Variants in CCDC117 observed in about 807,000 individuals in gnomAD.
CCDC117 encodes the protein coiled-coil domain containing 117.
Under a neutral mutation model 23.5 loss-of-function variants are expected in CCDC117, and 1 was observed. That is an observed-to-expected ratio of 0.04 (90% CI 0.02 to 0.20). The LOEUF (loss-of-function observed/expected upper bound fraction) is 0.20, where lower values mean the gene tolerates loss of function less well. Ranked by LOEUF, CCDC117 falls within the 10% of genes least tolerant of loss-of-function variation. CCDC117 has a pLI of 1.00. For missense variants in CCDC117, 383 were observed against 348.2 expected (o/e 1.10, Z -0.80); for synonymous variants, 132 against 124.8 (o/e 1.06, Z -0.39).
rs1404977996 is a variant in CCDC117, at chr22:28,781,330, G to GTTTTTTTGTTT, written c.464+162_464+163insTTTGTTTTTTT. The stretch of plus-strand genomic sequence containing the variant: ...AAAGTGTATTCGTTTTTGTTTTTTT[G>GTTTTTTTGTTT]TTTTGTTTTTTTTTTTTTTTTTTTT... On this transcript the variant is annotated intron_variant, in intron 3 of 4. Transcript: ENST00000249064. Among the ~76,000 whole-genome samples the GTTTTTTTGTTT allele has an allele frequency of 1.9e-4, 7 of 37,664 alleles. 1 individual carries two copies. The highest frequency in any genetic ancestry group is 1.0e-3 in the African/African-American group (7 of 6,802). 24.7% of individuals were successfully genotyped at this position (37,664 alleles called of 152,430 possible).
intron 2 of CCDC117, among the ~76,000 whole-genome samples, chr22:28,777,146 C>A (rs562266599): frequency 2.0e-5 from 3 of 148,580 alleles, no homozygotes; most frequent in Non-Finnish European, 4.4e-5. Context: ...TCAAGTGATT[C>A]TCCTGCCTCA....
chr22:28,783,253 C>G (rs2031407460), intron 3 of CCDC117, among the ~76,000 whole-genome samples: 1 of 151,894 alleles, frequency 6.6e-6, no homozygotes, highest in African/African-American at 2.4e-5. Context: ...GTTGGCCAGG[C>G]TCTTCTCGAA....
chr22:28,781,258 T>A, intron 3 of CCDC117, 86 bp downstream of exon 3: 1 of 715,784 alleles, frequency 1.4e-6, no homozygotes. Flanking sequence ...TATCATTTGG[T>A]GATACCTTGA....
chr22:28,786,111 G>A lies in CCDC117; in HGVS notation c.625G>A (p.Val209Ile), dbSNP rs774735302. 3 of 1,612,834 alleles carry A rather than the reference G, an allele frequency of 1.9e-6. No individual in the cohort carries two copies. Among genetic ancestry groups the A allele is most frequent in the East Asian group, 4.5e-5 (2 of 44,900 alleles). Residue 209 changes from valine (V) to isoleucine (I), a missense_variant, in exon 5 of 5, where the codon GTT becomes ATT. Coordinates refer to ENST00000249064, the MANE Select transcript of CCDC117 (RefSeq NM_173510.4). ...ESMSRPSMEL[V>I]LWKPLPELLS... ...TAGGAGCCGTCCTTCCATGGAGCTTGTTCTCTGGAAACCCCTCCCTGAACT... is the reference window on the plus strand; with the variant it reads ...TAGGAGCCGTCCTTCCATGGAGCTTATTCTCTGGAAACCCCTCCCTGAACT...
intron 3 of CCDC117, among the ~76,000 whole-genome samples, chr22:28,781,689 G>A (rs2031341376): frequency 6.6e-6 from 1 of 151,480 alleles, no homozygotes; most frequent in Non-Finnish European, 1.5e-5. Flanking sequence ...CGTTACCTAG[G>A]CTGGAGTGCA....
At chr22:28,783,387 C>T in intron 3 of CCDC117, 121 bp from the exon 4 acceptor site, 1 of 905,258 alleles carries the variant, frequency 1.1e-6, no homozygotes, top group Non-Finnish European at 1.6e-6. Flanking sequence ...TTTGCTTGTT[C>T]TATTGCTGTA....
intron 4 of CCDC117, among the ~76,000 whole-genome samples, chr22:28,784,815 GGCTGGA>G (rs2031460560): frequency 6.6e-6 from 1 of 152,122 alleles, no homozygotes; most frequent in Non-Finnish European, 1.5e-5. Context: ...CTGTTGCCCA[GGCTGGA>G]GTGCAGTGGC....
chr22:28,775,132 G>A (rs116437268), intron 2 of CCDC117, among the ~76,000 whole-genome samples: 1,925 of 152,190 alleles, frequency 0.013, 46 homozygotes, highest in African/African-American at 0.044. Flanking sequence ...GTAGTGGTGC[G>A]TAACTGTAAT....
At chr22:28,781,358 T>TTTTTG (rs2031327006) in intron 3 of CCDC117, among the ~76,000 whole-genome samples, 186 bp downstream of exon 3, 1 of 20,142 alleles carries the variant, frequency 5.0e-5, no homozygotes, top group African/African-American at 4.2e-4. Context: ...TTTTTTTTTT[T>TTTTTG]TTTTTTTTTT....
chr22:28,779,263 G>T (rs368677460), intron 2 of CCDC117, among the ~76,000 whole-genome samples: 44 of 152,068 alleles, frequency 2.9e-4, no homozygotes, highest in African/African-American at 8.4e-4. Context: ...GTGCAGTGAC[G>T]CAATCTTGGC....
At chr22:28,775,339 C>G (rs1044029262) in intron 2 of CCDC117, among the ~76,000 whole-genome samples, 2 of 152,112 alleles carry the variant, frequency 1.3e-5, no homozygotes, top group Non-Finnish European at 1.5e-5. Flanking sequence ...CCTATTGATG[C>G]ATTTCTAAAT....
rs1330411206 is a variant in CCDC117, at chr22:28,786,123, C to G, written c.637C>G (p.Pro213Ala). Residue 213 changes from proline to alanine, a missense_variant, in exon 5 of 5, where the codon CCC becomes GCC. Pro to Ala is a conservative substitution (Grantham distance 27). Transcript: ENST00000249064. ...RPSMELVLWK[P>A]LPELLSDKPK... Reference sequence around the variant, plus strand: ...TTCCATGGAGCTTGTTCTCTGGAAACCCCTCCCTGAACTCCTTTCTGATAA... The same window carrying G: ...TTCCATGGAGCTTGTTCTCTGGAAAGCCCTCCCTGAACTCCTTTCTGATAA... 1.2e-6 allele frequency: 2 copies of G among 1,613,730 alleles called. No individual in the cohort carries two copies. The highest frequency in any genetic ancestry group is 8.5e-7 in the Non-Finnish European group (1 of 1,179,918).
chr22:28,780,326 C>T (rs953993325), intron 2 of CCDC117, among the ~76,000 whole-genome samples: 2 of 152,134 alleles, frequency 1.3e-5, no homozygotes, highest in African/African-American at 2.4e-5. Context: ...GTCACCCACA[C>T]CTGTAATATT....
At position 28,784,309 on chromosome 22, in the gene CCDC117, A is replaced by T. The variant is rs545335082; in HGVS notation, c.602+664A>T. Among the ~76,000 whole-genome samples the T allele has an allele frequency of 2.6e-5, 4 of 152,376 alleles. No individual in the cohort carries two copies. The South Asian group carries it at 8.3e-4, about 32-fold the overall frequency. ...GCAAACACAATAACCTAAAAAGTAA[A>T]GTGGCCTGGGGCCCCTGAGTAATGA... On this transcript the variant is annotated intron_variant, in intron 4 of 4. Coordinates refer to ENST00000249064, the MANE Select transcript of CCDC117 (RefSeq NM_173510.4).
Position 28,772,914 on chromosome 22 carries a change from C to G in CCDC117, c.65C>G (p.Pro22Arg). Residue 22 changes from proline (P) to arginine (R), a missense_variant, in exon 1 of 5, where the codon CCG becomes CGG. Physicochemically the swap from Pro to Arg is moderately radical, Grantham distance 103. Coordinates refer to ENST00000249064, the MANE Select transcript of CCDC117 (RefSeq NM_173510.4). Reference sequence around the variant, plus strand: ...AGCGGCGGCTCGGACTTCCTGCAGCCGCCGCAGCCGGCCTTCCCCGGCCGG... The same window carrying G: ...AGCGGCGGCTCGGACTTCCTGCAGCGGCCGCAGCCGGCCTTCCCCGGCCGG... ...PLSGGSDFLQPPQPAFPGRAF... is the reference protein window; with the variant it reads ...PLSGGSDFLQRPQPAFPGRAF... 1 of 1,228,552 alleles carries G rather than the reference C, an allele frequency of 8.1e-7. No individual in the cohort carries two copies. Among genetic ancestry groups the G allele is most frequent in the African/African-American group, 1.6e-5 (1 of 63,986 alleles). The allele number at this position is 1,228,552 out of a possible 1,614,324, so 76.1% of individuals were successfully genotyped here. A position where few individuals can be genotyped will look rare whatever the true frequency, so the allele number is the denominator to read the frequency against.
chr22:28,781,949 CT>C (rs754411163), intron 3 of CCDC117, among the ~76,000 whole-genome samples: 1,733 of 141,630 alleles, frequency 0.012, 39 homozygotes, highest in African/African-American at 0.04. Flanking sequence ...AGCCCCCCCC[CT>C]TTTTTTTTTT....
At chr22:28,774,590 G>T (rs1485092305) in intron 2 of CCDC117, among the ~76,000 whole-genome samples, 1 of 151,798 alleles carries the variant, frequency 6.6e-6, no homozygotes, top group African/African-American at 2.4e-5. Flanking sequence ...TGCCCAGTCT[G>T]GTCATGAACT....
intron 2 of CCDC117, among the ~76,000 whole-genome samples, chr22:28,777,113 G>A (rs2031187144): frequency 7.1e-6 from 1 of 141,042 alleles, no homozygotes; most frequent in Non-Finnish European, 1.5e-5. Context: ...CGGCTCCCTC[G>A]GCACAACCTC....
In CCDC117 at chr22:28,773,762, G is replaced by A. The variant is rs771878673; in HGVS notation, c.223G>A (p.Glu75Lys). ...VHCKKKHKRE[E>K]EEDDDCPVRK... ...CTGTAAAAAGAAACACAAGCGAGAG[G>A]AGGAGGAGGATGATGAGTAAGTTTC... Residue 75 changes from glutamate (E) to lysine (K), a missense_variant, in exon 2 of 5, where the codon GAG becomes AAG. Transcript: ENST00000249064. 2 of 1,613,802 alleles carry A rather than the reference G, an allele frequency of 1.2e-6. No homozygotes were observed. The highest frequency in any genetic ancestry group is 1.7e-6 in the Non-Finnish European group (2 of 1,179,680).
Sources: allele counts gnomAD v4.1 joint callset (sites outside exome capture counted in the v4.1 genomes callset), GRCh38; gene constraint gnomAD v4.1.1; transcripts MANE v1.5; gene names NCBI Gene and HGNC (gene_info 2026-07-23, HGNC 2026-07-21).